RNF130: variants seen among roughly 807,000 people sequenced by gnomAD.
RNF130 encodes ring finger protein 130, also known as E3 ubiquitin-protein ligase RNF130.
Under a neutral mutation model 44.6 loss-of-function variants are expected in RNF130, and 21 were observed. That is an observed-to-expected ratio of 0.47 (90% CI 0.33 to 0.68). The LOEUF (loss-of-function observed/expected upper bound fraction) is 0.68. RNF130 is among the 30% of genes least tolerant of loss of function. The pLI, the probability that RNF130 is intolerant of heterozygous loss-of-function variation, is 0.02. For synonymous variants in RNF130, 214 were observed against 210.4 expected (o/e 1.02, Z -0.15); for missense variants, 479 against 560.6 (o/e 0.85, Z 1.47).
chr5:179,980,328 G>A, intron 3 of RNF130, 128 bp from the exon 4 acceptor site: 2 of 766,634 alleles, frequency 2.6e-6, no homozygotes, highest in East Asian at 2.7e-5. Flanking sequence ...ACATATAAGA[G>A]AATGATAAAA....
At chr5:179,935,515 C>CTT (rs1554100136) in intron 7 of RNF130, among the ~76,000 whole-genome samples, 1 of 150,512 alleles carries the variant, frequency 6.6e-6, no homozygotes, top group Admixed American at 6.6e-5. Context: ...TATGTCAGCA[C>CTT]GTGTGTGTGT....
At chr5:179,976,494 C>T (rs947437684) in intron 5 of RNF130, among the ~76,000 whole-genome samples, 9 of 152,172 alleles carry the variant, frequency 5.9e-5, no homozygotes, top group South Asian at 2.1e-4. Flanking sequence ...TTTGCACTGG[C>T]GTGTGCATTT....
intron 3 of RNF130, among the ~76,000 whole-genome samples, chr5:179,994,964 A>T (rs1012023654): frequency 1.6e-4 from 25 of 151,862 alleles, no homozygotes; most frequent in African/African-American, 5.8e-4. Flanking sequence ...GCCTTGGGGG[A>T]GGGGAGGGGA....
chr5:180,015,302 A>G (rs761007406), intron 2 of RNF130: 2 of 530,084 alleles, frequency 3.8e-6, no homozygotes. Flanking sequence ...GATCTGTGGT[A>G]TAAGATACCA....
chr5:180,005,406 G>A (rs185706688), intron 3 of RNF130, among the ~76,000 whole-genome samples: 185 of 152,066 alleles, frequency 1.2e-3, no homozygotes, highest in Non-Finnish European at 2.4e-3. Context: ...TCCAGCCTGG[G>A]CGACAGAACA....
At chr5:179,933,929 T>G in intron 7 of RNF130, 1 of 536,840 alleles carries the variant, frequency 1.9e-6, no homozygotes. Context: ...CAGACTGTTC[T>G]GCCATTTTTT....
chr5:180,067,630 A>G (rs1387990849), intron 1 of RNF130, among the ~76,000 whole-genome samples: 1 of 152,234 alleles, frequency 6.6e-6, no homozygotes, highest in African/African-American at 2.4e-5. Flanking sequence ...AAAGTTCAAC[A>G]TAAATATAAT....
At chr5:179,961,371 A>T (rs1443786167) in intron 8 of RNF130, among the ~76,000 whole-genome samples, 1 of 152,216 alleles carries the variant, frequency 6.6e-6, no homozygotes, top group African/African-American at 2.4e-5. Flanking sequence ...TACAACTGCT[A>T]ATGGGAGAAG....
intron 1 of RNF130, among the ~76,000 whole-genome samples, chr5:180,061,368 T>G (rs1462972893): frequency 2.0e-5 from 3 of 152,220 alleles, no homozygotes; most frequent in Non-Finnish European, 4.4e-5. Context: ...TAACCCTGCA[T>G]GCCTGTGTTC....
At chr5:180,066,915 C>T (rs1765121191) in intron 1 of RNF130, among the ~76,000 whole-genome samples, 1 of 152,206 alleles carries the variant, frequency 6.6e-6, no homozygotes, top group Non-Finnish European at 1.5e-5. Flanking sequence ...GTCTCAGCTA[C>T]TGGGGAGACT....
At chr5:179,915,490 G>T (rs1217398940) in exon 8 of RNF130, 2 of 152,368 alleles carry the variant, frequency 1.3e-5, no homozygotes, top group Non-Finnish European at 2.9e-5. Context: ...CAGACCCAAA[G>T]TATCCCCACA....
chr5:180,012,381 G>C (rs1763612774), intron 3 of RNF130, among the ~76,000 whole-genome samples: 1 of 152,140 alleles, frequency 6.6e-6, no homozygotes, highest in South Asian at 2.1e-4. Flanking sequence ...CCTGGAACCT[G>C]GCACCTAGGG....
chr5:179,978,345 T>G, intron 4 of RNF130, 60 bp from the exon 5 acceptor site: 2 of 1,100,068 alleles, frequency 1.8e-6, no homozygotes, highest in Non-Finnish European at 2.8e-6. Flanking sequence ...ATGGTTGGGA[T>G]GCAATTCAGC....
intron 5 of RNF130, among the ~76,000 whole-genome samples, chr5:179,971,621 G>A (rs1156612858): frequency 3.9e-5 from 6 of 152,104 alleles, no homozygotes; most frequent in African/African-American, 9.7e-5. Context: ...CGCCCGCCTC[G>A]GCCTCCCAAA....
In RNF130 at chr5:179,945,245, G is replaced by A. The variant is rs182209978; in HGVS notation, c.1150+21561C>T. Reference sequence around the variant, plus strand: ...GACCCCTTTCCCTCCACTACGATGAGCAAGGCTCAGTCCCACACCCTGCAG... The same window carrying A: ...GACCCCTTTCCCTCCACTACGATGAACAAGGCTCAGTCCCACACCCTGCAG... On this transcript the variant is annotated intron_variant, in intron 7 of 7. Coordinates refer to the RNF130 transcript ENST00000522208. Among the ~76,000 whole-genome samples, 4 of 152,256 alleles carry A rather than the reference G, an allele frequency of 2.6e-5. No individual in the cohort carries two copies. In the East Asian group the frequency reaches 7.7e-4, roughly 29 times the overall value.
intron 2 of RNF130, among the ~76,000 whole-genome samples, chr5:180,016,366 C>T (rs1200309812): frequency 7.7e-6 from 1 of 129,402 alleles, no homozygotes; most frequent in South Asian, 2.6e-4. Flanking sequence ...ATGTAGGCTT[C>T]ACAATAAAGG....
At chr5:180,033,707 A>G (rs79938689) in intron 2 of RNF130, among the ~76,000 whole-genome samples, 4 of 151,572 alleles carry the variant, frequency 2.6e-5, no homozygotes, top group East Asian at 1.9e-4. Flanking sequence ...AAAAAAAAAA[A>G]AGAGAGAGAG....
At chr5:180,053,449 A>C (rs1404103274) in intron 1 of RNF130, among the ~76,000 whole-genome samples, 3 of 152,244 alleles carry the variant, frequency 2.0e-5, no homozygotes, top group African/African-American at 7.2e-5. Flanking sequence ...TGAAGAAAGC[A>C]GCAAGAACAC....
intron 3 of RNF130, among the ~76,000 whole-genome samples, chr5:180,001,356 C>T (rs1763332886): frequency 6.6e-6 from 1 of 152,142 alleles, no homozygotes; most frequent in African/African-American, 2.4e-5. Flanking sequence ...CTCAGAATGA[C>T]AATGGGACCA....
Sources: allele counts gnomAD v4.1 joint callset (sites outside exome capture counted in the v4.1 genomes callset), GRCh38; gene constraint gnomAD v4.1.1; transcripts MANE v1.5; gene names NCBI Gene and HGNC (gene_info 2026-07-23, HGNC 2026-07-21).